Variants in NAV2 observed in about 807,000 individuals in gnomAD.
NAV2 encodes the protein neuron navigator 2.
A neutral mutation model predicts 223.2 loss-of-function variants in NAV2; 54 were observed. That is an observed-to-expected ratio of 0.24 (90% confidence interval 0.19 to 0.30). The LOEUF (loss-of-function observed/expected upper bound fraction) is 0.30. Ranked by LOEUF, NAV2 falls within the 10% of genes least tolerant of loss-of-function variation. The pLI is 1.00. For synonymous variants in NAV2, 1,279 were observed against 1,239.3 expected (o/e 1.03, Z -0.67); for missense variants, 2,806 against 3,147.5 (o/e 0.89, Z 2.60).
intron 1 of NAV2, among the ~76,000 whole-genome samples, chr11:19,521,205 A>G (rs567667215): frequency 6.6e-6 from 1 of 152,242 alleles, no homozygotes; most frequent in East Asian, 1.9e-4. Context: ...AGTGGTTGCC[A>G]CTGGGTTTAG....
intron 1 of NAV2, among the ~76,000 whole-genome samples, chr11:19,507,984 T>C (rs2043172359): frequency 6.6e-6 from 1 of 152,210 alleles, no homozygotes; most frequent in African/African-American, 2.4e-5. Flanking sequence ...GGGATGAGGA[T>C]TAATAAATAC....
intron 5 of NAV2, among the ~76,000 whole-genome samples, chr11:19,887,307 C>T (rs1274002653): frequency 6.6e-6 from 1 of 152,060 alleles, no homozygotes; most frequent in Non-Finnish European, 1.5e-5. Flanking sequence ...GGACTTCTGC[C>T]TTTGACCACT....
intron 1 of NAV2, among the ~76,000 whole-genome samples, chr11:19,590,107 C>A (rs1195847271): frequency 6.6e-6 from 1 of 152,146 alleles, no homozygotes; most frequent in Non-Finnish European, 1.5e-5. Flanking sequence ...AACCACTGTG[C>A]CGACGTTTTC....
At chr11:19,526,499 A>T (rs1292585321) in intron 1 of NAV2, among the ~76,000 whole-genome samples, 1 of 151,868 alleles carries the variant, frequency 6.6e-6, no homozygotes, top group East Asian at 1.9e-4. Context: ...TTGGCCTCTT[A>T]TCTCTTTCTC....
intron 6 of NAV2, among the ~76,000 whole-genome samples, chr11:19,925,838 T>TTC (rs1447761781): frequency 3.9e-5 from 6 of 152,228 alleles, no homozygotes; most frequent in Non-Finnish European, 8.8e-5. Flanking sequence ...AGACCATTCT[T>TTC]TCCCCTATTG....
intron 1 of NAV2, among the ~76,000 whole-genome samples, chr11:19,758,332 T>C (rs2054406626): frequency 6.6e-6 from 1 of 152,102 alleles, no homozygotes; most frequent in African/African-American, 2.4e-5. Flanking sequence ...AAGTGATGGG[T>C]CAGGGAAGGC....
intron 36 of NAV2, among the ~76,000 whole-genome samples, chr11:20,108,322 G>T (rs1231992042): frequency 6.6e-6 from 1 of 152,200 alleles, no homozygotes; most frequent in Non-Finnish European, 1.5e-5. Flanking sequence ...TCAAATTCCA[G>T]GTTCTTAGCC....
chr11:19,916,602 GT>G (rs2043831276), intron 6 of NAV2, among the ~76,000 whole-genome samples: 1 of 152,186 alleles, frequency 6.6e-6, no homozygotes, highest in African/African-American at 2.4e-5. Context: ...CATTTATTCT[GT>G]ATCACATACT....
chr11:19,777,720 GTC>G (rs906784842), intron 1 of NAV2: 2 of 406,844 alleles, frequency 4.9e-6, no homozygotes, highest in Non-Finnish European at 1.0e-5. Flanking sequence ...ATGTGTGTAT[GTC>G]TCTGGTTGTG....
chr11:19,861,839 C>G (rs910594497), intron 3 of NAV2, among the ~76,000 whole-genome samples: 1 of 152,218 alleles, frequency 6.6e-6, no homozygotes, highest in Non-Finnish European at 1.5e-5. Context: ...TGAATGCACA[C>G]AAAGGTATCC....
rs560591172 is a variant in NAV2 at position 19,872,710 on chromosome 11, G to C, written c.511+3713G>C. On this transcript the variant is annotated intron_variant, in intron 4 of 37. Coordinates refer to ENST00000349880, the MANE Select transcript of NAV2 (RefSeq NM_145117.5). ...TCCTCAAAGCATTTCAGCAGCTCAGGCCTGCCCCGACCCGCCTGCTGGAGA... is the reference window on the plus strand; with the variant it reads ...TCCTCAAAGCATTTCAGCAGCTCAGCCCTGCCCCGACCCGCCTGCTGGAGA... Among the ~76,000 whole-genome samples the C allele has an allele frequency of 5.3e-5, 8 of 152,284 alleles. No homozygotes were observed. The East Asian group carries it at 1.5e-3, about 29-fold the overall frequency.
chr11:19,384,156 C>A (rs1848946712), intron 1 of NAV2, among the ~76,000 whole-genome samples: 1 of 152,074 alleles, frequency 6.6e-6, no homozygotes, highest in Non-Finnish European at 1.5e-5. Flanking sequence ...GTTCCATGAA[C>A]ACATTTTTAA....
chr11:19,620,997 T>C (rs1192593011), intron 1 of NAV2, among the ~76,000 whole-genome samples: 2 of 152,230 alleles, frequency 1.3e-5, no homozygotes, highest in Non-Finnish European at 2.9e-5. Flanking sequence ...TTGAAGGCCT[T>C]TTCTGCATCT....
intron 1 of NAV2, chr11:19,385,081 G>T (rs897464371): frequency 2.0e-5 from 3 of 152,152 alleles, no homozygotes; most frequent in African/African-American, 7.2e-5. Flanking sequence ...ACAAAAAGAA[G>T]TTCCACAGCC....
At chr11:19,609,551 C>A (rs1424050987) in intron 1 of NAV2, among the ~76,000 whole-genome samples, 2 of 152,110 alleles carry the variant, frequency 1.3e-5, no homozygotes, top group African/African-American at 2.4e-5. Context: ...GAGCCATCAC[C>A]AGTTCATTCA....
At chr11:19,433,313 A>G (rs1851100135) in intron 1 of NAV2, among the ~76,000 whole-genome samples, 1 of 152,104 alleles carries the variant, frequency 6.6e-6, no homozygotes, top group Non-Finnish European at 1.5e-5. Context: ...CTCCCCATCA[A>G]AGAGGGCAAG....
chr11:19,469,191 T>C (rs1445256924), intron 1 of NAV2, among the ~76,000 whole-genome samples: 3 of 152,176 alleles, frequency 2.0e-5, no homozygotes, highest in African/African-American at 7.2e-5. Flanking sequence ...CTCCTAAAGA[T>C]CAGTGGCTGT....
At chr11:19,840,815 C>T (rs2060474423) in intron 2 of NAV2, among the ~76,000 whole-genome samples, 1 of 152,138 alleles carries the variant, frequency 6.6e-6, no homozygotes, top group Non-Finnish European at 1.5e-5. Context: ...ATTCAGAAGA[C>T]TTATTTCTTA....
At chr11:20,014,913 A>AATAAAT (rs66979030) in intron 11 of NAV2, among the ~76,000 whole-genome samples, 18 of 149,140 alleles carry the variant, frequency 1.2e-4, no homozygotes, top group African/African-American at 4.5e-4. Flanking sequence ...AAAATAAATA[A>AATAAAT]ATAAATATAA....
Sources: gnomAD v4.1 joint callset for allele counts (sites outside exome capture counted in the v4.1 genomes callset) on GRCh38, gnomAD v4.1.1 for gene constraint, MANE v1.5 for transcripts, NCBI Gene and HGNC (gene_info 2026-07-23, HGNC 2026-07-21) for gene names.